Variants in ADAMTSL1 observed in about 807,000 individuals in gnomAD.
ADAMTSL1 encodes the protein ADAMTS like 1.
ADAMTSL1 carries 126 observed loss-of-function variants against 201.8 expected under a neutral mutation model. The ratio of observed to expected loss-of-function variants is 0.62; its 90% confidence interval spans 0.54 to 0.72. ADAMTSL1 has a LOEUF of 0.72. Ranked by LOEUF, ADAMTSL1 falls within the 30% of genes least tolerant of loss-of-function variation. The pLI, the probability that ADAMTSL1 is intolerant of heterozygous loss-of-function variation, is 0.00. For missense variants in ADAMTSL1, 2,679 were observed against 2,277.8 expected (o/e 1.18, Z -3.59); for synonymous variants, 1,121 against 903.4 (o/e 1.24, Z -4.32).
At chr9:18,191,555 G>GCTGA (rs1318076407) in intron 2 of ADAMTSL1, among the ~76,000 whole-genome samples, 1 of 152,174 alleles carries the variant, frequency 6.6e-6, no homozygotes, top group Non-Finnish European at 1.5e-5. Flanking sequence ...TGAGCCCTTA[G>GCTGA]CTGAGCCTCA....
chr9:18,853,918 T>TGTGTGTGTGTGCGCGCGC lies in ADAMTSL1; in HGVS notation c.4249+23942_4249+23943insTGTGTGTGTGCGCGCGCG, dbSNP rs139332733. On this transcript the variant is annotated intron_variant, in intron 23 of 28. Transcript: ENST00000380548. ...GTGTGTGTGTGTGTGTGTGTGTGTG[T>TGTGTGTGTGTGCGCGCGC]GCGCGTGCATGCAAATAGTTGATTA... Among the ~76,000 whole-genome samples, 70 of 145,490 alleles carry TGTGTGTGTGTGCGCGCGC rather than the reference T, an allele frequency of 4.8e-4. 1 individual carries two copies. Among genetic ancestry groups the TGTGTGTGTGTGCGCGCGC allele is most frequent in the East Asian group, 3.8e-3 (19 of 4,978 alleles).
At position 18,565,202 on chromosome 9, in the gene ADAMTSL1, C is replaced by A. The variant is rs143553129; in HGVS notation, c.238-8828C>A. ...CTGGACCTGAATGAAGACATTGGAA[C>A]AGTTTAAAGCTTTCAATATACCTGT... On this transcript the variant is annotated intron_variant, in intron 3 of 28. Coordinates refer to ENST00000380548, the MANE Select transcript of ADAMTSL1 (RefSeq NM_001040272.6). Among the ~76,000 whole-genome samples, 541 of 152,252 alleles carry A rather than the reference C, an allele frequency of 3.6e-3. 1 individual carries two copies. The highest frequency in any genetic ancestry group is 0.013 in the African/African-American group (522 of 41,560).
intron 2 of ADAMTSL1, among the ~76,000 whole-genome samples, chr9:18,195,663 C>A (rs1390752225): frequency 6.6e-6 from 1 of 152,134 alleles, no homozygotes; most frequent in African/African-American, 2.4e-5. Context: ...TACTGGTTGA[C>A]CTTTGATAGT....
chr9:18,174,226 C>T (rs190603453), intron 2 of ADAMTSL1, among the ~76,000 whole-genome samples: 27 of 152,216 alleles, frequency 1.8e-4, no homozygotes, highest in Admixed American at 8.5e-4. Flanking sequence ...CAAGGAGTCC[C>T]TTAGTTGTTT....
intron 1 of ADAMTSL1, among the ~76,000 whole-genome samples, chr9:17,960,572 T>C (rs571847667): frequency 1.3e-5 from 2 of 152,300 alleles, no homozygotes; most frequent in African/African-American, 4.8e-5. Context: ...ATTGTATAAA[T>C]ACCAATTGAT....
At chr9:18,301,877 T>C (rs887811448) in intron 2 of ADAMTSL1, among the ~76,000 whole-genome samples, 1 of 152,236 alleles carries the variant, frequency 6.6e-6, no homozygotes, top group African/African-American at 2.4e-5. Flanking sequence ...ATTGTGTGTG[T>C]ACATTATTTT....
chr9:18,201,677 C>G (rs1351566063), intron 2 of ADAMTSL1, among the ~76,000 whole-genome samples: 5 of 152,012 alleles, frequency 3.3e-5, no homozygotes, highest in East Asian at 1.9e-4. Context: ...AAGAATAAAA[C>G]CATTTTACTC....
chr9:18,593,276 C>T (rs1445145779), intron 4 of ADAMTSL1, among the ~76,000 whole-genome samples: 11 of 152,094 alleles, frequency 7.2e-5, no homozygotes. Context: ...TGGAAGTGGA[C>T]ATCCTTGTTG....
intron 23 of ADAMTSL1, among the ~76,000 whole-genome samples, chr9:18,839,016 C>T (rs1488258207): frequency 1.8e-5 from 2 of 111,418 alleles, no homozygotes; most frequent in East Asian, 5.3e-4. Flanking sequence ...TTTAGCAGCA[C>T]ACTCTCCTTT....
At chr9:18,474,385 G>A (rs185805899) in intron 1 of ADAMTSL1, 90 bp downstream of exon 1, 361 of 1,265,720 alleles carry the variant, frequency 2.9e-4, no homozygotes, top group Middle Eastern at 1.1e-3. Flanking sequence ...TTGTGTGTGT[G>A]TGTGTGTCTT....
rs199660544 is a variant in ADAMTSL1, at chr9:18,418,258, A to G, written c.208-86571A>G. On this transcript the variant is annotated intron_variant, in intron 2 of 29. Coordinates refer to the ADAMTSL1 transcript ENST00000680146. ...CAAACAAAAAGTCACTACAGGTAAC[A>G]TCAAACTTAGTGCGAAAGACTGAAC... 3.3e-5 allele frequency among the ~76,000 whole-genome samples: 5 copies of G among 152,340 alleles called. No individual in the cohort carries two copies. In the East Asian group the frequency reaches 9.6e-4, roughly 29 times the overall value.
At chr9:18,764,933 C>A (rs1469940383) in intron 16 of ADAMTSL1, among the ~76,000 whole-genome samples, 1 of 152,102 alleles carries the variant, frequency 6.6e-6, no homozygotes, top group Non-Finnish European at 1.5e-5. Flanking sequence ...AACTGATAAC[C>A]CAGTTGTGTT....
chr9:18,494,192 T>C (rs1832638), intron 1 of ADAMTSL1, among the ~76,000 whole-genome samples: 83,816 of 151,772 alleles, frequency 0.55, 23,208 homozygotes, highest in South Asian at 0.58. Context: ...CCTGTCTCTA[T>C]TAAAAATACA....
intron 1 of ADAMTSL1, among the ~76,000 whole-genome samples, chr9:18,109,542 A>G (rs750973840): frequency 5.9e-5 from 9 of 152,166 alleles, no homozygotes; most frequent in South Asian, 4.1e-4. Context: ...AATTTAAGGC[A>G]TGGCCATGTG....
intron 9 of ADAMTSL1, among the ~76,000 whole-genome samples, chr9:18,672,273 A>T (rs1444720390): frequency 6.6e-6 from 1 of 151,930 alleles, no homozygotes; most frequent in Non-Finnish European, 1.5e-5. Context: ...GAAGTAACGC[A>T]TGGAATTTGA....
chr9:18,298,988 G>A (rs1833588330), intron 2 of ADAMTSL1, among the ~76,000 whole-genome samples: 1 of 149,988 alleles, frequency 6.7e-6, no homozygotes, highest in Non-Finnish European at 1.5e-5. Context: ...CTCCAGCCTG[G>A]GCGACAGAGC....
chr9:18,745,696 A>G (rs372394173), intron 15 of ADAMTSL1, among the ~76,000 whole-genome samples: 3 of 152,198 alleles, frequency 2.0e-5, no homozygotes, highest in Non-Finnish European at 2.9e-5. Context: ...ATCTGTTGAT[A>G]TATCTGTGTC....
chr9:18,669,940 T>A (rs544517574), intron 9 of ADAMTSL1, among the ~76,000 whole-genome samples: 23 of 152,270 alleles, frequency 1.5e-4, no homozygotes, highest in African/African-American at 5.5e-4. Flanking sequence ...TCTCAGGTGA[T>A]CCTTTTCCTC....
intron 1 of ADAMTSL1, among the ~76,000 whole-genome samples, chr9:17,953,556 C>G (rs975862141): frequency 2.0e-5 from 3 of 152,130 alleles, no homozygotes; most frequent in Non-Finnish European, 4.4e-5. Context: ...ATAATAAAAA[C>G]AATCAAAATG....
Sources: allele counts gnomAD v4.1 joint callset (sites outside exome capture counted in the v4.1 genomes callset), GRCh38; gene constraint gnomAD v4.1.1; transcripts MANE v1.5; gene names NCBI Gene and HGNC (gene_info 2026-07-23, HGNC 2026-07-21).